The following CWC27 variants were observed in gnomAD, a reference collection of about 807,000 sequenced individuals.
The protein encoded by CWC27 is spliceosome-associated protein CWC27 homolog.
Under a neutral mutation model 63.6 loss-of-function variants are expected in CWC27, and 47 were observed. The ratio of observed to expected loss-of-function variants is 0.74; its 90% CI spans 0.58 to 0.94. The LOEUF (loss-of-function observed/expected upper bound fraction) is 0.94. Ranked by LOEUF, CWC27 falls within the 40% of genes least tolerant of loss-of-function variation. The probability of loss-of-function intolerance (pLI) is 0.00; values close to 1 mark genes in which losing one functional copy is unlikely to be tolerated. For synonymous variants in CWC27, 175 were observed against 179.8 expected, an observed-to-expected ratio of 0.97 and a Z score of 0.22; for missense variants, 495 against 554.3, an observed-to-expected ratio of 0.89 and a Z score of 1.07.
Position 64,788,935 on chromosome 5 carries a change from CT to C in CWC27, c.600-8del, listed in dbSNP as rs748484202. On this transcript the variant is annotated splice_polypyrimidine_tract_variant and intron_variant, in intron 6 of 13. Transcript: ENST00000381070. The stretch of plus-strand genomic sequence containing the variant: ...TTTCTCTTTCTTTTTTTTTTTCTTT[CT>C]TTTTTTTGGACTAGAAATTTTAGTT... 149 of 1,417,034 alleles carry C rather than the reference CT, an allele frequency of 1.1e-4. No homozygotes were observed. The highest frequency in any genetic ancestry group is 4.0e-4 in the Middle Eastern group (2 of 4,964). The allele number at this position is 1,417,034 out of a possible 1,614,324, so 87.8% of individuals were successfully genotyped here.
chr5:64,774,730 T>C lies in CWC27; in HGVS notation c.82T>C (p.Leu28=). The C allele has an allele frequency of 6.2e-7, 1 of 1,606,598 alleles. No homozygotes were observed. The highest frequency in any genetic ancestry group is 8.5e-7 in the Non-Finnish European group (1 of 1,176,814). ...TACAGCTGGAGATATTGACATAGAGTTGTGGTCCAAAGAAGCTCCTAAAGC... is the reference window on the plus strand; with the variant it reads ...TACAGCTGGAGATATTGACATAGAGCTGTGGTCCAAAGAAGCTCCTAAAGC... ...KTTAGDIDIE[L]WSKEAPKACR... The change falls in exon 2 of 14, where the codon TTG becomes CTG. Residue 28 remains leucine, a synonymous_variant. Transcript: ENST00000381070.
intron 13 of CWC27, among the ~76,000 whole-genome samples, chr5:65,001,899 T>C (rs1749738921): frequency 6.7e-6 from 1 of 149,482 alleles, no homozygotes; most frequent in Non-Finnish European, 1.5e-5. Context: ...AAAAAAAAAA[T>C]AGTGTGTGTT....
intron 10 of CWC27, among the ~76,000 whole-genome samples, chr5:64,806,728 G>A (rs1744687300): frequency 6.6e-6 from 1 of 152,102 alleles, no homozygotes; most frequent in Non-Finnish European, 1.5e-5. Flanking sequence ...TGTAATCCCA[G>A]CTGCTCAGCA....
chr5:64,799,896 A>G (rs927978745), intron 7 of CWC27, among the ~76,000 whole-genome samples: 2 of 151,998 alleles, frequency 1.3e-5, no homozygotes, highest in Non-Finnish European at 1.5e-5. Context: ...GCATGCATTT[A>G]TTTCAATACT....
chr5:64,939,090 T>A (rs1748419521), intron 11 of CWC27, among the ~76,000 whole-genome samples: 1 of 152,180 alleles, frequency 6.6e-6, no homozygotes, highest in African/African-American at 2.4e-5. Flanking sequence ...ATTACCCGCC[T>A]TCTGAAGCCT....
chr5:64,782,098 A>T (rs1743716820), intron 3 of CWC27, 65 bp downstream of exon 3: 1 of 859,102 alleles, frequency 1.2e-6, no homozygotes, highest in African/African-American at 1.7e-5. Flanking sequence ...GTCAGTTTGG[A>T]TTGCTTAATC....
At chr5:64,808,309 G>A (rs1396624351) in intron 10 of CWC27, 2 of 988,414 alleles carry the variant, frequency 2.0e-6, no homozygotes, top group Non-Finnish European at 2.4e-6. Context: ...TTAGTTCCAA[G>A]GTCAGCAAGT....
At chr5:64,971,301 G>T (rs1749120365) in intron 11 of CWC27, among the ~76,000 whole-genome samples, 1 of 152,126 alleles carries the variant, frequency 6.6e-6, no homozygotes, top group African/African-American at 2.4e-5. Flanking sequence ...AACAAAAGTG[G>T]CAGGTAATTG....
chr5:64,928,334 T>C (rs943489559), intron 11 of CWC27, among the ~76,000 whole-genome samples: 2 of 152,184 alleles, frequency 1.3e-5, no homozygotes, highest in Non-Finnish European at 2.9e-5. Context: ...AAATAAACAG[T>C]TGAAAACTCA....
chr5:64,802,667 G>A (rs1464695209), intron 9 of CWC27, among the ~76,000 whole-genome samples: 1 of 152,130 alleles, frequency 6.6e-6, no homozygotes, highest in African/African-American at 2.4e-5. Flanking sequence ...GGGAGGAGTA[G>A]TCCAAGACAA....
intron 10 of CWC27, among the ~76,000 whole-genome samples, chr5:64,883,541 A>G (rs1746995917): frequency 6.6e-6 from 1 of 152,178 alleles, no homozygotes; most frequent in Non-Finnish European, 1.5e-5. Context: ...TCAAAATGCT[A>G]AAATGGTATA....
intron 10 of CWC27, among the ~76,000 whole-genome samples, chr5:64,828,742 C>T (rs1329439512): frequency 6.6e-6 from 1 of 152,084 alleles, no homozygotes; most frequent in African/African-American, 2.4e-5. Flanking sequence ...CAACCTAGGT[C>T]ATCTGAGTCT....
intron 11 of CWC27, among the ~76,000 whole-genome samples, chr5:64,898,364 G>A (rs568029748): frequency 6.6e-6 from 1 of 152,174 alleles, no homozygotes; most frequent in South Asian, 2.1e-4. Flanking sequence ...CAATGAAGTA[G>A]AAGGAAGAAA....
chr5:65,005,290 C>T (rs958083298), intron 13 of CWC27, among the ~76,000 whole-genome samples: 1 of 151,994 alleles, frequency 6.6e-6, no homozygotes, highest in African/African-American at 2.4e-5. Flanking sequence ...AATCCCCACA[C>T]CTCCAGATGG....
At chr5:64,785,919 CT>C (rs1270454242) in intron 5 of CWC27, among the ~76,000 whole-genome samples, 1 of 151,938 alleles carries the variant, frequency 6.6e-6, no homozygotes, top group Non-Finnish European at 1.5e-5. Flanking sequence ...AATCTCAGCA[CT>C]TTGGGATGCT....
intron 12 of CWC27, among the ~76,000 whole-genome samples, chr5:64,972,170 C>A (rs1282526614): frequency 6.6e-6 from 1 of 152,126 alleles, no homozygotes; most frequent in Non-Finnish European, 1.5e-5. Context: ...GAGTCTCTTC[C>A]AGCCCGACAT....
At chr5:64,867,025 A>G (rs1306845076) in intron 10 of CWC27, among the ~76,000 whole-genome samples, 2 of 152,234 alleles carry the variant, frequency 1.3e-5, no homozygotes, top group Admixed American at 6.6e-5. Flanking sequence ...GATTATGGAT[A>G]TATATAATTT....
chr5:64,961,931 T>C lies in CWC27; in HGVS notation c.1043-9772T>C, dbSNP rs567091522. On this transcript the variant is annotated intron_variant, in intron 11 of 13. Coordinates refer to ENST00000381070, the MANE Select transcript of CWC27 (RefSeq NM_005869.4). ...ATCCTTCATTACTATCTGTTTAGCA[T>C]GTATTTCATAGAAATTTCAGGTAAT... 2.0e-5 allele frequency among the ~76,000 whole-genome samples: 3 copies of C among 152,330 alleles called. No individual in the cohort carries two copies. The South Asian group carries it at 6.2e-4, about 32-fold the overall frequency.
intron 11 of CWC27, among the ~76,000 whole-genome samples, chr5:64,925,372 G>A (rs1277485530): frequency 6.6e-6 from 1 of 152,150 alleles, no homozygotes; most frequent in East Asian, 1.9e-4. Flanking sequence ...TCCATTCTGA[G>A]TCATGCTTTC....
Sources: gnomAD v4.1 joint callset for allele counts (sites outside exome capture counted in the v4.1 genomes callset) on GRCh38, gnomAD v4.1.1 for gene constraint, MANE v1.5 for transcripts, NCBI Gene and HGNC (gene_info 2026-07-23, HGNC 2026-07-21) for gene names.